Variants in RFX3 observed in about 807,000 individuals in gnomAD.
RFX3 encodes regulatory factor X3.
RFX3 carries 14 observed loss-of-function variants against 98.6 expected under a neutral mutation model. The ratio of observed to expected loss-of-function variants is 0.14; its 90% CI spans 0.09 to 0.22. The LOEUF is 0.22. Ranked by LOEUF, RFX3 falls within the 10% of genes least tolerant of loss-of-function variation. RFX3 has a pLI of 1.00. For synonymous variants in RFX3, 383 were observed against 328.4 expected, an observed-to-expected ratio of 1.17 and a Z score of -1.80; for missense variants, 639 against 926.9, an observed-to-expected ratio of 0.69 and a Z score of 4.03.
chr9:3,461,911 G>A (rs757077164), intron 1 of RFX3, among the ~76,000 whole-genome samples: 4 of 151,978 alleles, frequency 2.6e-5, no homozygotes, highest in Non-Finnish European at 5.9e-5. Context: ...GAGAACATCT[G>A]AAAGGGAGAA....
chr9:3,515,540 G>A (rs574722690), intron 1 of RFX3, among the ~76,000 whole-genome samples: 27 of 152,182 alleles, frequency 1.8e-4, no homozygotes, highest in African/African-American at 6.0e-4. Context: ...ATTAACTGGG[G>A]AAAATATGTA....
At chr9:3,312,033 C>CA (rs1830022763) in intron 4 of RFX3, among the ~76,000 whole-genome samples, 1 of 152,172 alleles carries the variant, frequency 6.6e-6, no homozygotes, top group African/African-American at 2.4e-5. Flanking sequence ...TAAGGTGCAA[C>CA]TAATGGGTTA....
chr9:3,499,396 AT>A (rs1220738104), intron 1 of RFX3, among the ~76,000 whole-genome samples: 5 of 152,006 alleles, frequency 3.3e-5, no homozygotes, highest in Non-Finnish European at 7.4e-5. Flanking sequence ...ATAAAAACAG[AT>A]TTTTTTCATC....
At chr9:3,292,420 G>A (rs1356173288) in intron 6 of RFX3, among the ~76,000 whole-genome samples, 1 of 151,922 alleles carries the variant, frequency 6.6e-6, no homozygotes, top group Non-Finnish European at 1.5e-5. Flanking sequence ...CAATTCAATT[G>A]AACTATACTA....
intron 15 of RFX3, among the ~76,000 whole-genome samples, chr9:3,229,669 G>C (rs1205519653): frequency 6.6e-6 from 1 of 152,136 alleles, no homozygotes; most frequent in Non-Finnish European, 1.5e-5. Flanking sequence ...TCAAAAAAAG[G>C]TGAAGAGAAA....
chr9:3,388,985 G>A (rs1006492358), intron 2 of RFX3, among the ~76,000 whole-genome samples: 2 of 152,068 alleles, frequency 1.3e-5, no homozygotes, highest in African/African-American at 2.4e-5. Context: ...TGCAAAGGCA[G>A]TTAAAACTGA....
intron 2 of RFX3, among the ~76,000 whole-genome samples, chr9:3,379,921 TTTAC>T (rs939031541): frequency 1.6e-5 from 2 of 125,848 alleles, no homozygotes; most frequent in Admixed American, 8.2e-5. Context: ...TATTTATTTA[TTTAC>T]TTTAATTTTT....
In RFX3 at chr9:3,266,261, C is replaced by T. The variant is rs1002471240; in HGVS notation, c.1402G>A (p.Gly468Ser). The T allele has an allele frequency of 6.2e-7, 1 of 1,611,408 alleles. No homozygotes were observed. The highest frequency in any genetic ancestry group is 8.5e-7 in the Non-Finnish European group (1 of 1,178,418). ...TTGTTCATGGCATTGGAAAGCCAAC[C>T]TTCAAGGCTTTTTGCAAAATTTCGA... ...AIRNFAKSLE[G>S]WLSNAMNNIP... is the part of the protein sequence containing the mutation. Residue 468 changes from glycine to serine, a missense_variant, in exon 12 of 17, where the codon GGT becomes AGT. Physicochemically the swap from Gly to Ser is moderately conservative, Grantham distance 56 (BLOSUM62 0). This residue lies in a region of RFX3 where 138 missense variants were observed against 308.9 expected (regional missense o/e 0.45). Coordinates refer to ENST00000617270, the MANE Select transcript of RFX3 (RefSeq NM_001282116.2).
intron 1 of RFX3, among the ~76,000 whole-genome samples, chr9:3,507,724 GATTA>G (rs1227722072): frequency 6.6e-6 from 1 of 151,874 alleles, no homozygotes; most frequent in African/African-American, 2.4e-5. Flanking sequence ...ATCATCTCTA[GATTA>G]ATTATAATTC....
chr9:3,438,982 C>T (rs547082505), intron 1 of RFX3, among the ~76,000 whole-genome samples: 9 of 151,840 alleles, frequency 5.9e-5, no homozygotes, highest in Non-Finnish European at 4.4e-5. Flanking sequence ...GTTATCTGCT[C>T]ACAATTGAAC....
intron 1 of RFX3, among the ~76,000 whole-genome samples, chr9:3,463,235 C>T (rs79990634): frequency 0.021 from 3,173 of 152,166 alleles, 109 homozygotes; most frequent in African/African-American, 0.071. Context: ...ATATGGTCAA[C>T]TGATTTTTCA....
At chr9:3,340,901 T>C (rs1298130515) in intron 3 of RFX3, among the ~76,000 whole-genome samples, 3 of 152,232 alleles carry the variant, frequency 2.0e-5, no homozygotes, top group Non-Finnish European at 4.4e-5. Flanking sequence ...ATCCCATTAC[T>C]GGGTACATAC....
intron 4 of RFX3, among the ~76,000 whole-genome samples, chr9:3,304,478 A>G (rs142593978): frequency 1.1e-4 from 17 of 152,082 alleles, no homozygotes; most frequent in African/African-American, 4.1e-4. Flanking sequence ...ATAAATGCAT[A>G]ATTACCAAAT....
intron 15 of RFX3, among the ~76,000 whole-genome samples, chr9:3,244,627 C>T (rs545757603): frequency 1.3e-5 from 2 of 152,190 alleles, no homozygotes; most frequent in African/African-American, 2.4e-5. Context: ...CACCCCTTAC[C>T]TTCAGATTCT....
chr9:3,480,059 G>A (rs1251140232), intron 1 of RFX3, among the ~76,000 whole-genome samples: 2 of 152,118 alleles, frequency 1.3e-5, no homozygotes, highest in Non-Finnish European at 1.5e-5. Flanking sequence ...GAATATTGTC[G>A]CATGTTTCTT....
At chr9:3,487,200 T>G (rs1000393959) in intron 1 of RFX3, among the ~76,000 whole-genome samples, 1 of 152,150 alleles carries the variant, frequency 6.6e-6, no homozygotes, top group African/African-American at 2.4e-5. Flanking sequence ...TTATGGAAAT[T>G]ACTTTTAACA....
chr9:3,344,127 A>G (rs763829334), intron 3 of RFX3, among the ~76,000 whole-genome samples: 20 of 152,184 alleles, frequency 1.3e-4, no homozygotes, highest in Non-Finnish European at 2.4e-4. Flanking sequence ...CAATATGCAG[A>G]ATTTAGAATC....
At chr9:3,429,247 C>T (rs1295147475) in intron 1 of RFX3, among the ~76,000 whole-genome samples, 1 of 151,022 alleles carries the variant, frequency 6.6e-6, no homozygotes, top group Non-Finnish European at 1.5e-5. Flanking sequence ...TGGTCTCGAT[C>T]TCCTGACCTC....
At chr9:3,373,570 G>T (rs1838094617) in intron 2 of RFX3, among the ~76,000 whole-genome samples, 1 of 152,152 alleles carries the variant, frequency 6.6e-6, no homozygotes, top group Non-Finnish European at 1.5e-5. Flanking sequence ...AAGTCAAAGA[G>T]ATCTGTGTTT....
Sources: allele counts gnomAD v4.1 joint callset (sites outside exome capture counted in the v4.1 genomes callset), GRCh38; gene constraint gnomAD v4.1.1; regional missense constraint gnomAD v4.1.1; transcripts MANE v1.5; gene names NCBI Gene and HGNC (gene_info 2026-07-23, HGNC 2026-07-21).